P3H2: variants seen among roughly 807,000 people sequenced by gnomAD.
The protein encoded by P3H2 is leprecan-like 1.
In P3H2, 80 loss-of-function variants were observed where a neutral mutation model predicts 87.0. The observed-to-expected ratio is 0.92, with a 90% confidence interval of 0.77 to 1.11. The LOEUF is 1.11. Among genes scored for constraint, P3H2 ranks in the 50% least tolerant of loss-of-function variants. The probability of loss-of-function intolerance (pLI) is 0.00; values close to 1 mark genes in which losing one functional copy is unlikely to be tolerated. For missense variants in P3H2, 1,001 were observed against 923.9 expected (o/e 1.08, Z -1.08); for synonymous variants, 367 against 359.3 (o/e 1.02, Z -0.24).
At chr3:190,041,046 ACACACACACACACACACAC>A (rs1160209847) in intron 1 of P3H2, among the ~76,000 whole-genome samples, 6 of 35,242 alleles carry the variant, frequency 1.7e-4, no homozygotes, top group African/African-American at 1.1e-3. Flanking sequence ...ATACACACAC[ACACACACACACACACACAC>A]ACACACACAC....
intron 1 of P3H2, among the ~76,000 whole-genome samples, chr3:190,110,671 A>T (rs572613041): frequency 6.6e-6 from 1 of 152,330 alleles, no homozygotes; most frequent in East Asian, 1.9e-4. Flanking sequence ...TTTTTAAAAA[A>T]CAGCCAAATC....
At chr3:189,982,359 C>T (rs1021981437) in intron 8 of P3H2, among the ~76,000 whole-genome samples, 2 of 152,158 alleles carry the variant, frequency 1.3e-5, no homozygotes, top group Non-Finnish European at 2.9e-5. Context: ...GAATTAACCA[C>T]TGCTGTTAGT....
chr3:189,962,493 C>T (rs867283480), intron 14 of P3H2, among the ~76,000 whole-genome samples: 12 of 152,128 alleles, frequency 7.9e-5, no homozygotes, highest in African/African-American at 2.9e-4. Flanking sequence ...TTTTTCTATG[C>T]CTGGCTATCG....
intron 1 of P3H2, among the ~76,000 whole-genome samples, chr3:190,080,653 C>T (rs898003476): frequency 6.6e-5 from 10 of 152,222 alleles, no homozygotes; most frequent in African/African-American, 1.7e-4. Flanking sequence ...CCTCCTGCCT[C>T]GGCCTCCCAA....
intron 1 of P3H2, among the ~76,000 whole-genome samples, chr3:190,108,771 A>C (rs1226359202): frequency 2.0e-5 from 3 of 152,234 alleles, no homozygotes; most frequent in Non-Finnish European, 2.9e-5. Context: ...ATTTTTTTAA[A>C]TTGCTGATAG....
intron 1 of P3H2, among the ~76,000 whole-genome samples, chr3:190,081,640 G>A (rs1400197582): frequency 6.6e-6 from 1 of 152,168 alleles, no homozygotes; most frequent in Non-Finnish European, 1.5e-5. Context: ...CCAGTCTGGA[G>A]GAGAGGCACT....
At chr3:190,115,438 A>C (rs1712253733) in intron 1 of P3H2, among the ~76,000 whole-genome samples, 4 of 152,116 alleles carry the variant, frequency 2.6e-5, no homozygotes, top group Admixed American at 6.5e-5. Flanking sequence ...AAAAAAAAAA[A>C]AAACCAGACA....
intron 1 of P3H2, among the ~76,000 whole-genome samples, chr3:190,114,693 G>A (rs1302970476): frequency 6.6e-6 from 1 of 152,114 alleles, no homozygotes; most frequent in Non-Finnish European, 1.5e-5. Context: ...TAAAGATGGT[G>A]ACCTGTAAGT....
intron 1 of P3H2, among the ~76,000 whole-genome samples, chr3:190,064,156 T>TTA (rs946916368): frequency 1.1e-5 from 1 of 94,058 alleles, no homozygotes; most frequent in African/African-American, 5.7e-5. Context: ...CACACCTAAC[T>TTA]TTTTTTTTTT....
intron 8 of P3H2, among the ~76,000 whole-genome samples, chr3:189,979,495 G>A (rs1464675585): frequency 6.6e-6 from 1 of 151,974 alleles, no homozygotes; most frequent in African/African-American, 2.4e-5. Context: ...TTCTTTTATA[G>A]ATAAAAATCA....
At chr3:190,024,530 CAAA>C (rs71635314) in intron 1 of P3H2, among the ~76,000 whole-genome samples, 1,537 of 52,820 alleles carry the variant, frequency 0.029, 12 homozygotes, top group African/African-American at 0.096. Flanking sequence ...GGTTCCCTCT[CAAA>C]AAAAAAAAAA....
intron 1 of P3H2, among the ~76,000 whole-genome samples, chr3:190,000,016 C>G (rs1177492503): frequency 1.3e-5 from 2 of 152,190 alleles, no homozygotes; most frequent in Non-Finnish European, 2.9e-5. Flanking sequence ...TGAGGTTCCT[C>G]TGACACAGAA....
chr3:190,065,241 G>A (rs1016538106), intron 1 of P3H2, among the ~76,000 whole-genome samples: 5 of 152,190 alleles, frequency 3.3e-5, no homozygotes, highest in African/African-American at 4.8e-5. Flanking sequence ...CCACAAGACT[G>A]AGTTATACAT....
At chr3:190,068,756 C>A (rs565601272) in intron 1 of P3H2, among the ~76,000 whole-genome samples, 1 of 151,930 alleles carries the variant, frequency 6.6e-6, no homozygotes, top group Non-Finnish European at 1.5e-5. Flanking sequence ...CGATTTTTCT[C>A]GGTAAAATGA....
chr3:190,108,020 C>A (rs1711916805), intron 1 of P3H2, among the ~76,000 whole-genome samples: 1 of 151,818 alleles, frequency 6.6e-6, no homozygotes, highest in Non-Finnish European at 1.5e-5. Context: ...ATTACACAGG[C>A]AGTCTTGAAC....
chr3:190,100,334 A>G (rs567485411), intron 1 of P3H2, among the ~76,000 whole-genome samples: 8 of 141,942 alleles, frequency 5.6e-5, no homozygotes, highest in Non-Finnish European at 1.0e-4. Context: ...AATATTTTAT[A>G]TTACCTAAGC....
intron 1 of P3H2, 24 bp downstream of exon 1, chr3:190,120,228 A>G: frequency 6.2e-7 from 1 of 1,605,356 alleles, no homozygotes; most frequent in Non-Finnish European, 8.5e-7. Context: ...GGGGCTTTGC[A>G]GTGGAGGAGC....
intron 1 of P3H2, among the ~76,000 whole-genome samples, chr3:190,007,959 G>GACACACACACACACACAC (rs371622835): frequency 0.041 from 4,120 of 100,622 alleles, 245 homozygotes; most frequent in South Asian, 0.066. Flanking sequence ...TCTATTTGTT[G>GACACACACACACACACAC]ACACACATAT....
chr3:190,079,081 C>T (rs1726960986), intron 1 of P3H2, among the ~76,000 whole-genome samples: 1 of 152,120 alleles, frequency 6.6e-6, no homozygotes, highest in Non-Finnish European at 1.5e-5. Context: ...TGGCTCACAC[C>T]TGTAATTCCA....
Sources: allele counts gnomAD v4.1 joint callset (sites outside exome capture counted in the v4.1 genomes callset), GRCh38; gene constraint gnomAD v4.1.1; transcripts MANE v1.5; gene names NCBI Gene and HGNC (gene_info 2026-07-23, HGNC 2026-07-21).